The following C8orf34 variants were observed in gnomAD, a reference collection of about 807,000 sequenced individuals.
The protein encoded by C8orf34 is chromosome 8 open reading frame 34.
A neutral mutation model predicts 68.3 loss-of-function variants in C8orf34; 65 were observed. That is an observed-to-expected ratio of 0.95 (90% CI 0.78 to 1.17). The LOEUF is 1.17. Among genes scored for constraint, C8orf34 ranks in the 50% most tolerant of loss-of-function variants. C8orf34 has a pLI of 0.00. For synonymous variants in C8orf34, 244 were observed against 241.2 expected (o/e 1.01, Z -0.11); for missense variants, 664 against 655.4 (o/e 1.01, Z -0.14).
At chr8:68,760,099 T>C (rs572731097) in intron 10 of C8orf34, among the ~76,000 whole-genome samples, 14 of 152,224 alleles carry the variant, frequency 9.2e-5, no homozygotes, top group Non-Finnish European at 1.8e-4. Context: ...CCTGGAGAAG[T>C]TGGCCTGTGG....
intron 10 of C8orf34, among the ~76,000 whole-genome samples, chr8:68,742,378 C>T: frequency 6.6e-6 from 1 of 152,158 alleles, no homozygotes; most frequent in East Asian, 1.9e-4. Context: ...AACTATCAAG[C>T]AAGTAAAACC....
chr8:68,491,085 T>A (rs1265281111), intron 5 of C8orf34, among the ~76,000 whole-genome samples: 1 of 152,214 alleles, frequency 6.6e-6, no homozygotes, highest in Non-Finnish European at 1.5e-5. Flanking sequence ...AATATGGAAT[T>A]TTTTAACCAT....
chr8:68,486,896 C>T (rs1434396618), intron 4 of C8orf34, among the ~76,000 whole-genome samples: 2 of 152,164 alleles, frequency 1.3e-5, no homozygotes, highest in African/African-American at 2.4e-5. Context: ...CTTTCCTTAT[C>T]TCTTGGCTCG....
chr8:68,532,405 A>G (rs1221940816), intron 6 of C8orf34, among the ~76,000 whole-genome samples: 1 of 152,190 alleles, frequency 6.6e-6, no homozygotes, highest in African/African-American at 2.4e-5. Flanking sequence ...TACAATATAC[A>G]TATACATATT....
chr8:68,434,523 A>G (rs1485846852), intron 1 of C8orf34, among the ~76,000 whole-genome samples: 1 of 152,174 alleles, frequency 6.6e-6, no homozygotes, highest in Non-Finnish European at 1.5e-5. Context: ...GGTATGTGCC[A>G]TATTTTCTTT....
intron 7 of C8orf34, among the ~76,000 whole-genome samples, chr8:68,543,286 T>C (rs995452706): frequency 3.9e-5 from 6 of 152,250 alleles, no homozygotes; most frequent in African/African-American, 1.4e-4. Flanking sequence ...TGTGAAATCA[T>C]CTGAGATTCA....
chr8:68,658,923 C>T (rs1309818164), intron 8 of C8orf34, among the ~76,000 whole-genome samples: 1 of 152,088 alleles, frequency 6.6e-6, no homozygotes, highest in Admixed American at 6.6e-5. Context: ...CCTATCATAA[C>T]CTCCTTATAG....
chr8:68,706,568 G>C (rs1348635220), intron 8 of C8orf34, among the ~76,000 whole-genome samples: 1 of 152,186 alleles, frequency 6.6e-6, no homozygotes, highest in East Asian at 1.9e-4. Flanking sequence ...CCTGAAGGAG[G>C]TGAATTTGTT....
intron 3 of C8orf34, among the ~76,000 whole-genome samples, chr8:68,453,109 A>G (rs1811414268): frequency 1.3e-5 from 2 of 152,022 alleles, no homozygotes; most frequent in Non-Finnish European, 2.9e-5. Context: ...TCTCAATTCC[A>G]TTCCATTAAG....
chr8:68,386,699 T>C lies in C8orf34; in HGVS notation c.328-52800T>C, dbSNP rs562855894. The stretch of plus-strand genomic sequence containing the variant: ...CTTCTTTCAAAATACCTTTTACCAC[T>C]AGGACTTCTGCAGACCTTTAGACGC... On this transcript the variant is annotated intron_variant, in intron 1 of 13. Coordinates refer to ENST00000518698, the MANE Select transcript of C8orf34 (RefSeq NM_052958.4). 1.4e-4 allele frequency among the ~76,000 whole-genome samples: 21 copies of C among 152,260 alleles called. No homozygotes were observed. The East Asian group carries it at 3.9e-3, about 28-fold the overall frequency.
At chr8:68,370,308 G>T (rs1016299540) in intron 1 of C8orf34, among the ~76,000 whole-genome samples, 1 of 152,018 alleles carries the variant, frequency 6.6e-6, no homozygotes, top group East Asian at 1.9e-4. Context: ...TTATTATTTT[G>T]TCTCTGTTGC....
intron 7 of C8orf34, chr8:68,534,844 C>T: frequency 6.1e-6 from 6 of 985,348 alleles, no homozygotes; most frequent in Non-Finnish European, 7.2e-6. Context: ...GTTCTAGTCT[C>T]CCAAGCTGAA....
In C8orf34 at chr8:68,521,804, A is replaced by G. The variant is rs935212055; in HGVS notation, c.771A>G (p.Thr257=). 6.2e-7 allele frequency: 1 copy of G among 1,611,214 alleles called. No homozygotes were observed. Among genetic ancestry groups the G allele is most frequent in the South Asian group, 1.1e-5 (1 of 90,610 alleles). The part of the protein sequence containing the change: ...IAISDELDKE[T]VTFNSSLLRP... Reference sequence around the variant, plus strand: ...TATTCTTTTCTTCTCTTCAGGAAACAGTGACATTTAATTCTTCTCTTCTGA... The same window carrying G: ...TATTCTTTTCTTCTCTTCAGGAAACGGTGACATTTAATTCTTCTCTTCTGA... The change falls in exon 6 of 14, where the codon ACA becomes ACG. Residue 257 remains threonine (T), a synonymous_variant. Transcript: ENST00000518698.
intron 12 of C8orf34, among the ~76,000 whole-genome samples, chr8:68,800,956 G>T (rs1438165532): frequency 1.3e-5 from 2 of 152,020 alleles, no homozygotes; most frequent in Admixed American, 6.6e-5. Context: ...TGCAGAGGAG[G>T]GATATTCAGG....
intron 1 of C8orf34, among the ~76,000 whole-genome samples, chr8:68,430,867 C>T (rs1315004644): frequency 6.6e-6 from 1 of 152,068 alleles, no homozygotes; most frequent in Middle Eastern, 3.2e-3. Context: ...AACCCCTCTT[C>T]TCTAAACATT....
rs183846565 is a variant in C8orf34, at chr8:68,608,539, G to A, written c.1106-31837G>A. Among the ~76,000 whole-genome samples the A allele has an allele frequency of 7.3e-5, 11 of 151,528 alleles. No individual in the cohort carries two copies. The East Asian group carries it at 2.1e-3, about 29-fold the overall frequency. ...CTAAGGAACAGCATGATGTGTGGACGGAAATTGGAAGTAGCCACTCCATGA... is the reference window on the plus strand; with the variant it reads ...CTAAGGAACAGCATGATGTGTGGACAGAAATTGGAAGTAGCCACTCCATGA... On this transcript the variant is annotated intron_variant, in intron 7 of 13. Coordinates refer to ENST00000518698, the MANE Select transcript of C8orf34 (RefSeq NM_052958.4).
At chr8:68,614,209 G>C (rs553186695) in intron 7 of C8orf34, among the ~76,000 whole-genome samples, 3 of 151,850 alleles carry the variant, frequency 2.0e-5, no homozygotes, top group Admixed American at 1.3e-4. Flanking sequence ...AGATGAGTAG[G>C]TTGCGAAAAT....
At chr8:68,396,888 G>C (rs1303188796) in intron 1 of C8orf34, among the ~76,000 whole-genome samples, 1 of 151,892 alleles carries the variant, frequency 6.6e-6, no homozygotes, top group Non-Finnish European at 1.5e-5. Context: ...TATACAGCCT[G>C]CAGAACTGTG....
At chr8:68,464,157 C>A (rs544461916) in intron 3 of C8orf34, among the ~76,000 whole-genome samples, 16 of 152,040 alleles carry the variant, frequency 1.1e-4, no homozygotes, top group African/African-American at 3.9e-4. Flanking sequence ...AACAGACAAA[C>A]CGAGAGCCAA....
Sources: allele counts gnomAD v4.1 joint callset (sites outside exome capture counted in the v4.1 genomes callset), GRCh38; gene constraint gnomAD v4.1.1; transcripts MANE v1.5; gene names NCBI Gene and HGNC (gene_info 2026-07-23, HGNC 2026-07-21).